MAPK10: variants seen among roughly 807,000 people sequenced by gnomAD.
The protein encoded by MAPK10 is mitogen-activated protein kinase 10.
In MAPK10, 25 loss-of-function variants were observed where a neutral mutation model predicts 59.3. That is an observed-to-expected ratio of 0.42 (90% CI 0.31 to 0.59). MAPK10 has a LOEUF of 0.59. Among genes scored for constraint, MAPK10 ranks in the 20% least tolerant of loss-of-function variants. MAPK10 has a pLI of 0.15. For synonymous variants in MAPK10, 190 were observed against 200.5 expected, an observed-to-expected ratio of 0.95 and a Z score of 0.44; for missense variants, 351 against 568.9, an observed-to-expected ratio of 0.62 and a Z score of 3.90.
chr4:86,076,053 G>C (rs1012246926), intron 9 of MAPK10, among the ~76,000 whole-genome samples: 2 of 152,082 alleles, frequency 1.3e-5, no homozygotes, highest in Non-Finnish European at 2.9e-5. Context: ...GAGATTCCGT[G>C]GGCGTAGGAC....
Position 86,338,183 on chromosome 4 carries a change from G to A in MAPK10, c.-7+16347C>T, listed in dbSNP as rs533140997. On this transcript the variant is annotated intron_variant, in intron 2 of 13. Coordinates refer to ENST00000641462, the MANE Select transcript of MAPK10 (RefSeq NM_138982.4). Reference sequence around the variant, plus strand: ...TGACCATTTCGTGACCCGGCCAGACGCAGGTTTTTCCCAGCAGGCTTGAAC... The same window carrying A: ...TGACCATTTCGTGACCCGGCCAGACACAGGTTTTTCCCAGCAGGCTTGAAC... 8.5e-5 allele frequency among the ~76,000 whole-genome samples: 13 copies of A among 152,194 alleles called. 1 individual carries two copies. In the South Asian group the frequency reaches 2.3e-3, roughly 27 times the overall value.
intron 1 of MAPK10, among the ~76,000 whole-genome samples, chr4:86,460,502 C>T (rs535720101): frequency 6.6e-6 from 1 of 152,224 alleles, no homozygotes; most frequent in African/African-American, 2.4e-5. Flanking sequence ...GATGGAACCA[C>T]CAATTAATGC....
rs73838713 is a variant in MAPK10, at chr4:86,392,678, A to G, written c.-121-38034T>C. On this transcript the variant is annotated intron_variant, in intron 1 of 13. Coordinates refer to the MAPK10 transcript ENST00000361569. ...TTCCATTCTATCCTCAGTACTAAGG[A>G]TAGTGTCAGATACATAAAAGGTGCT... Among the ~76,000 whole-genome samples, 284 of 152,314 alleles carry G rather than the reference A, an allele frequency of 1.9e-3. 1 individual carries two copies. Among genetic ancestry groups the G allele is most frequent in the African/African-American group, 6.7e-3 (278 of 41,566 alleles).
At chr4:86,196,627 C>G (rs561798307) in intron 2 of MAPK10, among the ~76,000 whole-genome samples, 1 of 152,232 alleles carries the variant, frequency 6.6e-6, no homozygotes, top group East Asian at 1.9e-4. Context: ...GTCATGAAGT[C>G]TTTGCCCATG....
chr4:86,239,508 T>C (rs1056107252), intron 2 of MAPK10, among the ~76,000 whole-genome samples: 2 of 152,176 alleles, frequency 1.3e-5, no homozygotes, highest in African/African-American at 4.8e-5. Context: ...GGCTGTTAAT[T>C]ACAACCTCAA....
intron 1 of MAPK10, among the ~76,000 whole-genome samples, chr4:86,393,316 A>G (rs931270667): frequency 6.6e-6 from 1 of 151,680 alleles, no homozygotes; most frequent in Non-Finnish European, 1.5e-5. Context: ...TTCCACTTCT[A>G]TATCAAATCA....
chr4:86,293,032 C>T (rs990491363), intron 2 of MAPK10, among the ~76,000 whole-genome samples: 3 of 152,170 alleles, frequency 2.0e-5, no homozygotes, highest in African/African-American at 7.2e-5. Context: ...GTTTTTCTCT[C>T]CACATCTACA....
chr4:86,591,863 G>C (rs1261137053), intron 1 of MAPK10, among the ~76,000 whole-genome samples: 1 of 152,004 alleles, frequency 6.6e-6, no homozygotes, highest in Admixed American at 6.6e-5. Flanking sequence ...TTGTTACAAT[G>C]TGATGGTGAA....
intron 13 of MAPK10, among the ~76,000 whole-genome samples, chr4:86,023,623 G>A (rs939108128): frequency 5.9e-5 from 9 of 151,480 alleles, no homozygotes; most frequent in Non-Finnish European, 1.2e-4. Context: ...ACAATGTTTC[G>A]TAGTTTTCAG....
At chr4:86,209,081 C>T (rs1298104728) in intron 2 of MAPK10, among the ~76,000 whole-genome samples, 3 of 152,056 alleles carry the variant, frequency 2.0e-5, no homozygotes, top group Admixed American at 6.6e-5. Context: ...TATGTATCTA[C>T]ACTGAGAAAC....
intron 3 of MAPK10, among the ~76,000 whole-genome samples, chr4:86,186,214 T>C (rs766328129): frequency 2.0e-5 from 3 of 151,976 alleles, no homozygotes; most frequent in African/African-American, 4.8e-5. Context: ...CTGAAGCACA[T>C]AGAGATCAAG....
At chr4:86,319,923 C>G (rs1403472918) in intron 2 of MAPK10, among the ~76,000 whole-genome samples, 1 of 152,250 alleles carries the variant, frequency 6.6e-6, no homozygotes, top group Non-Finnish European at 1.5e-5. Context: ...CTCTCCCTCA[C>G]TCCTGTCCCT....
chr4:86,463,547 G>T lies in MAPK10; in HGVS notation c.-262-108903C>A, dbSNP rs543958921. On this transcript the variant is annotated intron_variant, in intron 1 of 4. Coordinates refer to the MAPK10 transcript ENST00000502302. ...GATCACTTGCAAAATTCAATTTCTC[G>T]TGCTGGCTTAATTATAGCTCCTGAC... Among the ~76,000 whole-genome samples the T allele has an allele frequency of 5.3e-5, 8 of 152,192 alleles. No individual in the cohort carries two copies. In the South Asian group the frequency reaches 8.3e-4, roughly 16 times the overall value.
intron 1 of MAPK10, among the ~76,000 whole-genome samples, chr4:86,480,976 G>T (rs747094677): frequency 6.6e-6 from 1 of 152,160 alleles, no homozygotes. Context: ...AACCAACAAG[G>T]CTGTCCATTC....
intron 2 of MAPK10, chr4:86,326,137 C>T (rs1438186293): frequency 2.0e-5 from 3 of 152,114 alleles, no homozygotes; most frequent in Non-Finnish European, 4.4e-5. Flanking sequence ...TGTGCCTTAC[C>T]CAGTCAGAGG....
intron 11 of MAPK10, among the ~76,000 whole-genome samples, chr4:86,050,934 G>A (rs1049782996): frequency 1.3e-5 from 2 of 152,114 alleles, no homozygotes; most frequent in African/African-American, 4.8e-5. Flanking sequence ...TTGAGGGTTA[G>A]CTAATTTATC....
At chr4:86,511,668 GAGGAAGAAGAAGAAGAAC>G (rs974048454) in intron 1 of MAPK10, among the ~76,000 whole-genome samples, 12 of 150,010 alleles carry the variant, frequency 8.0e-5, no homozygotes, top group African/African-American at 1.5e-4. Flanking sequence ...GGAGGAGGAA[GAGGAAGAAGAAGAAGAAC>G]AGGAAGAAGA....
intron 2 of MAPK10, among the ~76,000 whole-genome samples, chr4:86,288,871 A>G (rs147140508): frequency 2.0e-5 from 3 of 152,132 alleles, no homozygotes; most frequent in Admixed American, 2.0e-4. Context: ...CAAGAACTTG[A>G]TATGTGCCAG....
intron 1 of MAPK10, among the ~76,000 whole-genome samples, chr4:86,379,954 G>C (rs760182159): frequency 6.6e-6 from 1 of 152,044 alleles, no homozygotes; most frequent in Non-Finnish European, 1.5e-5. Context: ...CCTGGTTTTC[G>C]GCAGGGCGCA....
Sources: gnomAD v4.1 joint callset for allele counts (sites outside exome capture counted in the v4.1 genomes callset) on GRCh38, gnomAD v4.1.1 for gene constraint, MANE v1.5 for transcripts, NCBI Gene and HGNC (gene_info 2026-07-23, HGNC 2026-07-21) for gene names.